SMIM23: variants seen among roughly 807,000 people sequenced by gnomAD.
The protein encoded by SMIM23 is small integral membrane protein 23, also known as CTB-78H18.1.
A neutral mutation model predicts 12.8 loss-of-function variants in SMIM23; 10 were observed. The ratio of observed to expected loss-of-function variants is 0.78; its 90% CI spans 0.48 to 1.32. The LOEUF is 1.32. SMIM23 is among the 40% of genes most tolerant of loss of function. SMIM23 has a pLI of 0.00. For missense variants in SMIM23, 184 were observed against 198.2 expected (o/e 0.93, Z 0.43); for synonymous variants, 78 against 80.1 (o/e 0.97, Z 0.14).
At position 171,790,228 on chromosome 5, in the gene SMIM23, A is replaced by G; in HGVS notation, c.106-2A>G. On this transcript the variant is annotated splice_acceptor_variant, in intron 1 of 3. Transcript: ENST00000523047. LOFTEE classifies it high-confidence loss of function. Reference sequence around the variant, plus strand: ...CCTCCTCTTCCTCTTCTTGCACCCTAGACGCTGTTGGCATTGCTGATCTTG... The same window carrying G: ...CCTCCTCTTCCTCTTCTTGCACCCTGGACGCTGTTGGCATTGCTGATCTTG... The G allele has an allele frequency of 6.5e-7, 1 of 1,536,124 alleles. No homozygotes were observed. Among genetic ancestry groups the G allele is most frequent in the Non-Finnish European group, 8.7e-7 (1 of 1,146,900 alleles).
At chr5:171,786,652 GTC>G (rs1487080034) in intron 1 of SMIM23, among the ~76,000 whole-genome samples, 5 of 152,184 alleles carry the variant, frequency 3.3e-5, no homozygotes, top group South Asian at 2.1e-4. Context: ...GAGCTCTGCT[GTC>G]TCTGTTTTCA....
At position 171,790,310 on chromosome 5, in the gene SMIM23, G is replaced by A. The variant is rs74834055; in HGVS notation, c.157+29G>A. ...AGCATTCTGGAATCTGAGAAAGAAG[G>A]AACCAAATCCACATGAAGCTTGGTG... On this transcript the variant is annotated intron_variant, in intron 2 of 3. Transcript: ENST00000523047. 3,476 of 1,535,550 alleles carry A rather than the reference G, an allele frequency of 2.3e-3. 69 individuals carry two copies. In the African/African-American group the frequency reaches 0.043, roughly 19 times the overall value.
upstream of SMIM23, among the ~76,000 whole-genome samples, chr5:171,780,734 T>G (rs538161736): frequency 6.6e-6 from 1 of 152,198 alleles, no homozygotes; most frequent in South Asian, 2.1e-4. Flanking sequence ...ATGATGCAAA[T>G]GGCCTTTGGA....
chr5:171,785,041 G>C (rs887979533), upstream of SMIM23, among the ~76,000 whole-genome samples: 5 of 152,142 alleles, frequency 3.3e-5, no homozygotes, highest in African/African-American at 1.2e-4. Context: ...GTGTGGGTGG[G>C]GTCGGGAGGC....
upstream of SMIM23, among the ~76,000 whole-genome samples, chr5:171,783,744 T>C (rs2113646423): frequency 6.6e-6 from 1 of 152,316 alleles, no homozygotes; most frequent in Middle Eastern, 3.4e-3. Flanking sequence ...CAAAAGTCCA[T>C]GTGATGAAGT....
chr5:171,785,398 A>G (rs1327490771), upstream of SMIM23, among the ~76,000 whole-genome samples: 15 of 145,002 alleles, frequency 1.0e-4, 1 homozygote, highest in Non-Finnish European at 3.0e-5. Flanking sequence ...AATAGCTTTT[A>G]TTGTTTTTTT....
upstream of SMIM23, among the ~76,000 whole-genome samples, chr5:171,784,228 G>A (rs773768840): frequency 1.5e-4 from 23 of 152,100 alleles, no homozygotes; most frequent in Non-Finnish European, 2.5e-4. Context: ...GAAAACAGCC[G>A]GGTGCAGTGG....
chr5:171,785,118 T>C (rs1184790321), upstream of SMIM23, among the ~76,000 whole-genome samples: 1 of 152,068 alleles, frequency 6.6e-6, no homozygotes, highest in Non-Finnish European at 1.5e-5. Context: ...TTGACTATTG[T>C]CCTAAGTAAG....
At position 171,790,828 on chromosome 5, in the gene SMIM23, G is replaced by GAC; in HGVS notation, c.260_261insCA (p.Glu87AspfsTer4). On this transcript the variant is annotated frameshift_variant, in exon 4 of 4. Coordinates refer to ENST00000523047, the MANE Select transcript of SMIM23 (RefSeq NM_001289970.2). LOFTEE classifies it low-confidence loss of function (END_TRUNC). The stretch of plus-strand genomic sequence containing the variant: ...ATATCAGACCAACGAGCCCTCAGAA[G>GAC]AACCGATAAAGACCATCAGGAACTG... 6.5e-7 allele frequency: 1 copy of GAC among 1,536,144 alleles called. No homozygotes were observed. Among genetic ancestry groups the GAC allele is most frequent in the Non-Finnish European group, 8.7e-7 (1 of 1,146,924 alleles).
chr5:171,784,316 T>C (rs1264791389), upstream of SMIM23, among the ~76,000 whole-genome samples: 1 of 152,006 alleles, frequency 6.6e-6, no homozygotes, highest in African/African-American at 2.4e-5. Flanking sequence ...CCATCCTGGC[T>C]AACACGGTGA....
upstream of SMIM23, among the ~76,000 whole-genome samples, chr5:171,781,364 A>G (rs1348565784): frequency 6.6e-6 from 1 of 152,194 alleles, no homozygotes; most frequent in Non-Finnish European, 1.5e-5. Context: ...CTAAGGGGAA[A>G]GTTCATTTGC....
intron 1 of SMIM23, among the ~76,000 whole-genome samples, chr5:171,786,697 T>C (rs254885): frequency 0.026 from 4,029 of 152,302 alleles, 174 homozygotes; most frequent in African/African-American, 0.091. Flanking sequence ...TTACTATACA[T>C]GCACCGAGCG....
chr5:171,784,330 C>T (rs1755775736), upstream of SMIM23, among the ~76,000 whole-genome samples: 3 of 152,050 alleles, frequency 2.0e-5, no homozygotes, highest in South Asian at 6.2e-4. Flanking sequence ...ACGGTGAAAT[C>T]CCATCTCTAC....
chr5:171,775,390 C>T, the SMIM23 span, among the ~76,000 whole-genome samples: 37 of 152,236 alleles, frequency 2.4e-4, no homozygotes, highest in Middle Eastern at 3.4e-3. Context: ...TGGAGCAGAC[C>T]TTGCCCCTCT....
the SMIM23 span, among the ~76,000 whole-genome samples, chr5:171,773,361 T>C: frequency 2.6e-5 from 1 of 39,016 alleles, no homozygotes; most frequent in Admixed American, 1.8e-4. Context: ...GCACTGGAGA[T>C]GCACGACCTT....
chr5:171,777,582 A>C (rs1158417284), upstream of SMIM23, among the ~76,000 whole-genome samples: 4 of 152,216 alleles, frequency 2.6e-5, no homozygotes, highest in African/African-American at 9.6e-5. Flanking sequence ...CAGAACCTGG[A>C]GGCAGCAGGC....
upstream of SMIM23, among the ~76,000 whole-genome samples, chr5:171,781,429 C>G (rs1187755980): frequency 6.6e-6 from 1 of 152,166 alleles, no homozygotes; most frequent in Non-Finnish European, 1.5e-5. Flanking sequence ...ACTGTCATAC[C>G]TCATGGAACC....
chr5:171,788,173 AACACAC>A (rs10566750), intron 1 of SMIM23, among the ~76,000 whole-genome samples: 13 of 145,672 alleles, frequency 8.9e-5, no homozygotes, highest in African/African-American at 3.0e-4. Context: ...CACACACACA[AACACAC>A]ACACACACAC....
At chr5:171,785,350 G>GT (rs1259462574), upstream of SMIM23, among the ~76,000 whole-genome samples, 1 of 151,670 alleles carries the variant, frequency 6.6e-6, no homozygotes, top group Non-Finnish European at 1.5e-5. Flanking sequence ...ACAACTGCAT[G>GT]TGAATCCACA....
Sources: allele counts gnomAD v4.1 joint callset (sites outside exome capture counted in the v4.1 genomes callset), GRCh38; gene constraint gnomAD v4.1.1; transcripts MANE v1.5; gene names NCBI Gene and HGNC (gene_info 2026-07-23, HGNC 2026-07-21).